LARP7: variants seen among roughly 807,000 people sequenced by gnomAD.
LARP7 encodes the protein la-related protein 7.
Under a neutral mutation model 69.3 loss-of-function variants are expected in LARP7, and 52 were observed. The ratio of observed to expected loss-of-function variants is 0.75; its 90% CI spans 0.60 to 0.95. The LOEUF (loss-of-function observed/expected upper bound fraction) is 0.95, where lower values mean the gene tolerates loss of function less well. Among genes scored for constraint, LARP7 ranks in the 40% least tolerant of loss-of-function variants. LARP7 has a pLI of 0.00. For missense variants in LARP7, 733 were observed against 673.0 expected (o/e 1.09, Z -0.99); for synonymous variants, 254 against 215.9 (o/e 1.18, Z -1.55).
At chr4:112,648,590 G>A (rs1307247264) in intron 8 of LARP7, 1 of 499,312 alleles carries the variant, frequency 2.0e-6, no homozygotes. Flanking sequence ...GGACTTCAGA[G>A]TATTTAGAGC....
In LARP7 at chr4:112,649,579, A is replaced by G. The variant is rs762926123; in HGVS notation, c.1187A>G (p.Lys396Arg). ...DLKKEYLALQ[K>R]ASMASLKKTI... ...AAAAAAGAGTATTTAGCGCTACAAAAAGCTAGCATGGCTTCTTTAAAAAAA... is the reference window on the plus strand; with the variant it reads ...AAAAAAGAGTATTTAGCGCTACAAAGAGCTAGCATGGCTTCTTTAAAAAAA... Residue 396 changes from lysine to arginine, a missense_variant, in exon 9 of 13, where the codon AAA (lysine) becomes AGA (arginine). Coordinates refer to ENST00000344442, the MANE Select transcript of LARP7 (RefSeq NM_016648.4). 1 of 1,607,378 alleles carries G rather than the reference A, an allele frequency of 6.2e-7. No individual in the cohort carries two copies.
chr4:112,646,766 T>C (rs765037670), intron 4 of LARP7, 25 bp from the exon 5 acceptor site: 5 of 1,564,638 alleles, frequency 3.2e-6, no homozygotes, highest in Non-Finnish European at 8.6e-7. Context: ...TGAAAAACTC[T>C]AATATTGCTT....
rs547228653 is a variant in LARP7 at position 112,646,095 on chromosome 4, TCA to T, written c.203-254_203-253del. Among the ~76,000 whole-genome samples the T allele has an allele frequency of 3.0e-3, 462 of 152,162 alleles. 2 individuals carry two copies. The highest frequency in any genetic ancestry group is 0.011 in the African/African-American group (440 of 41,508). ...CCTGGGTTCAAGCGATTCTCCTACC[TCA>T]CTCTCGAGTAGCTGGGATTACAGGC... is the stretch of plus-strand genomic sequence containing the variant. On this transcript the variant is annotated intron_variant, in intron 2 of 12. Transcript: ENST00000344442.
At position 112,647,840 on chromosome 4, in the gene LARP7, T is replaced by C; in HGVS notation, c.1142+6T>C. The stretch of plus-strand genomic sequence containing the variant: ...CCATTAAGAGTGCTATCAAAGTAAG[T>C]CTGTGGTTTAAATTCTGTCATTGGC... On this transcript the variant is annotated splice_donor_region_variant and intron_variant, in intron 8 of 12. Coordinates refer to ENST00000344442, the MANE Select transcript of LARP7 (RefSeq NM_016648.4). 1 of 1,569,092 alleles carries C rather than the reference T, an allele frequency of 6.4e-7. No homozygotes were observed. Among genetic ancestry groups the C allele is most frequent in the Non-Finnish European group, 8.7e-7 (1 of 1,145,002 alleles).
At chr4:112,643,542 G>A (rs918701220) in intron 1 of LARP7, among the ~76,000 whole-genome samples, 5 of 152,116 alleles carry the variant, frequency 3.3e-5, no homozygotes, top group African/African-American at 1.2e-4. Context: ...GGGATGAGAA[G>A]GCCACTTGAA....
intron 2 of LARP7, among the ~76,000 whole-genome samples, chr4:112,645,125 T>C (rs995325064): frequency 2.3e-4 from 35 of 151,974 alleles, no homozygotes; most frequent in African/African-American, 7.0e-4. Flanking sequence ...TTTTGTATTT[T>C]CAGTAGAGAT....
intron 12 of LARP7, 77 bp from the exon 13 acceptor site, chr4:112,657,170 T>TTGTGTGTGTG (rs35719274): frequency 0.013 from 6,779 of 516,448 alleles, 108 homozygotes; most frequent in East Asian, 0.098. Flanking sequence ...AGTCATAGTT[T>TTGTGTGTGTG]TGTGTGTGTG....
Position 112,644,715 on chromosome 4 carries a change from A to C in LARP7, c.46A>C (p.Ser16Arg), listed in dbSNP as rs376550474. The C allele has an allele frequency of 6.2e-7, 1 of 1,611,090 alleles. No homozygotes were observed. Among genetic ancestry groups the C allele is most frequent in the Non-Finnish European group, 8.5e-7 (1 of 1,178,210 alleles). ...GNQEKVMEEE[S>R]TEKKKEVEKK... is the part of the protein sequence containing the mutation. ...TCAGGAAAAGGTAATGGAAGAAGAA[A>C]GCACTGAAAAGAAAAAAGAAGTTGA... is the stretch of plus-strand genomic sequence containing the variant. The change falls in exon 2 of 13, where the codon AGC (serine) becomes CGC (arginine). Residue 16 changes from serine to arginine, a missense_variant. Physicochemically the swap from Ser to Arg is moderately radical, Grantham distance 110. Coordinates refer to ENST00000344442, the MANE Select transcript of LARP7 (RefSeq NM_016648.4).
At chr4:112,647,152 A>T (rs1262960959) in intron 6 of LARP7, 25 bp downstream of exon 6, 1 of 1,597,460 alleles carries the variant, frequency 6.3e-7, no homozygotes, top group African/African-American at 1.4e-5. Context: ...ATATTTAAAT[A>T]GGTGTAGTTG....
At chr4:112,637,912 A>T (rs2047752855) in intron 1 of LARP7, 1 of 152,288 alleles carries the variant, frequency 6.6e-6, no homozygotes, top group South Asian at 2.1e-4. Flanking sequence ...AGTGACCAGA[A>T]CAATGATTCT....
intron 6 of LARP7, 35 bp from the exon 7 acceptor site, chr4:112,647,164 A>C (rs1560932114): frequency 6.3e-7 from 1 of 1,595,016 alleles, no homozygotes; most frequent in South Asian, 1.2e-5. Context: ...GTGTAGTTGA[A>C]GTAAGATGAA....
Position 112,646,336 on chromosome 4 carries a change from T to C in LARP7, c.203-15T>C, listed in dbSNP as rs759766396. 3.1e-6 allele frequency: 4 copies of C among 1,270,728 alleles called. No individual in the cohort carries two copies. In the East Asian group the frequency reaches 7.1e-5, roughly 22 times the overall value. 78.7% of individuals were successfully genotyped at this position (1,270,728 alleles called of 1,614,324 possible). A position where few individuals can be genotyped will look rare whatever the true frequency, so the allele number is the denominator to read the frequency against. Reference sequence around the variant, plus strand: ...TGCTGATACACTAACATATTAACTTTTTCATTTTCTTTAGATGTTGATATA... The same window carrying C: ...TGCTGATACACTAACATATTAACTTCTTCATTTTCTTTAGATGTTGATATA... On this transcript the variant is annotated splice_polypyrimidine_tract_variant and intron_variant, in intron 2 of 12. Transcript: ENST00000344442.
chr4:112,643,811 C>T (rs908214792), intron 1 of LARP7, among the ~76,000 whole-genome samples: 3 of 151,804 alleles, frequency 2.0e-5, no homozygotes, highest in Admixed American at 2.0e-4. Context: ...GAGATCATGC[C>T]ACTGCACTCC....
Position 112,650,481 on chromosome 4 carries a change from C to G in LARP7, c.1315C>G (p.Arg439Gly), listed in dbSNP as rs149590351. 5 of 1,613,578 alleles carry G rather than the reference C, an allele frequency of 3.1e-6. No individual in the cohort carries two copies. In the African/African-American group the frequency reaches 5.3e-5, roughly 17 times the overall value. Residue 439 changes from arginine (R) to glycine (G), a missense_variant, in exon 10 of 13, where the codon CGC becomes GGC. By Grantham distance (125) the Arg-to-Gly change is moderately radical (BLOSUM62 -2). Transcript: ENST00000344442. ...ATCAGCAGCCAACAGGGAAGAGTGTCGCACCCAGGAGAAAGTTAATGCAAC... is the reference window on the plus strand; with the variant it reads ...ATCAGCAGCCAACAGGGAAGAGTGTGGCACCCAGGAGAAAGTTAATGCAAC... ...NEKTANREEC[R>G]TQEKVNATGP...
chr4:112,648,498 C>T, intron 8 of LARP7: 1 of 534,490 alleles, frequency 1.9e-6, no homozygotes, highest in Non-Finnish European at 3.8e-6. Flanking sequence ...CCTACTAAAA[C>T]ATGGAAGCAC....
At chr4:112,640,204 G>T (rs372166427) in intron 1 of LARP7, among the ~76,000 whole-genome samples, 1 of 152,126 alleles carries the variant, frequency 6.6e-6, no homozygotes, top group East Asian at 1.9e-4. Flanking sequence ...CTCCCAAAGT[G>T]CTGGGATTAT....
At chr4:112,652,701 CTTT>C (rs58242050) in intron 10 of LARP7, among the ~76,000 whole-genome samples, 1 of 139,626 alleles carries the variant, frequency 7.2e-6, no homozygotes, top group African/African-American at 2.6e-5. Context: ...TCCCTTAATC[CTTT>C]TTTTTTTTTT....
At chr4:112,654,220 C>A in intron 12 of LARP7, 61 bp downstream of exon 12, 2 of 1,132,798 alleles carry the variant, frequency 1.8e-6, no homozygotes, top group South Asian at 1.2e-5. Flanking sequence ...ATGCCAAAGT[C>A]AGTACTAGGT....
rs1180499031 is a variant in LARP7 at position 112,646,377 on chromosome 4, T to C, written c.229T>C (p.Phe77Leu). The part of the protein sequence containing the change: ...GYVDISLLVS[F>L]NKMKKLTTDG... The stretch of plus-strand genomic sequence containing the variant: ...TGTTGATATATCACTACTTGTGTCT[T>C]TTAACAAAATGAAAAAATTGACTAC... The change falls in exon 3 of 13, where the codon TTT becomes CTT. Residue 77 changes from phenylalanine to leucine, a missense_variant. Physicochemically the swap from Phe to Leu is conservative, Grantham distance 22. Transcript: ENST00000344442. The C allele has an allele frequency of 6.3e-7, 1 of 1,582,268 alleles. No homozygotes were observed. The highest frequency in any genetic ancestry group is 8.7e-7 in the Non-Finnish European group (1 of 1,152,956).
Sources: gnomAD v4.1 joint callset for allele counts (sites outside exome capture counted in the v4.1 genomes callset) on GRCh38, gnomAD v4.1.1 for gene constraint, MANE v1.5 for transcripts, NCBI Gene and HGNC (gene_info 2026-07-23, HGNC 2026-07-21) for gene names.